JAG2: variants seen among roughly 807,000 people sequenced by gnomAD.
JAG2 encodes the protein protein jagged-2.
Under a neutral mutation model 141.7 loss-of-function variants are expected in JAG2, and 46 were observed. The observed-to-expected ratio is 0.32, with a 90% CI of 0.26 to 0.42. The LOEUF is 0.42. JAG2 is among the 10% of genes least tolerant of loss of function. The pLI, the probability that JAG2 is intolerant of heterozygous loss-of-function variation, is 1.00. For synonymous variants in JAG2, 862 were observed against 763.5 expected (o/e 1.13, Z -2.13); for missense variants, 1,500 against 1,817.5 (o/e 0.83, Z 3.18).
At position 105,145,997 on chromosome 14, in the gene JAG2, T is replaced by C. The variant is rs759878120; in HGVS notation, c.2710-24A>G. The C allele has an allele frequency of 1.1e-5, 17 of 1,588,378 alleles. No homozygotes were observed. In the Admixed American group the frequency reaches 3.0e-4, roughly 28 times the overall value. ...ACCTGGGCAGGCACGCACAGGAGGG[T>C]CAGGCGCAGGCGCACAGGAGGGTCA... is the stretch of plus-strand genomic sequence containing the variant. On this transcript the variant is annotated intron_variant, in intron 22 of 25. Coordinates refer to ENST00000331782, the MANE Select transcript of JAG2 (RefSeq NM_002226.5).
chr14:105,166,413 G>A (rs777136634), intron 2 of JAG2, among the ~76,000 whole-genome samples: 4 of 152,270 alleles, frequency 2.6e-5, no homozygotes, highest in Non-Finnish European at 4.4e-5. Flanking sequence ...CTGCACCGCC[G>A]TGGGGGCGAG....
At position 105,142,814 on chromosome 14, in the gene JAG2, T is replaced by G; in HGVS notation, c.3598A>C (p.Lys1200Gln). The change falls in exon 26 of 26, where the codon AAA becomes CAA. Residue 1200 changes from lysine to glutamine, a missense_variant. Around this residue, in one of 3 missense-constraint regions of JAG2, gnomAD observed 425 missense variants for 441.0 expected, o/e 0.96. Transcript: ENST00000331782. The part of the protein sequence containing the change: ...SLEAEKFLSH[K>Q]FTKDPGRSPG... The stretch of plus-strand genomic sequence containing the variant: ...GAGCGGCCAGGATCTTTGGTGAATT[T>G]GTGTGAGAGGAACTTCTCCGCCTCC... 1 of 1,610,942 alleles carries G rather than the reference T, an allele frequency of 6.2e-7. No individual in the cohort carries two copies. Among genetic ancestry groups the G allele is most frequent in the Non-Finnish European group, 8.5e-7 (1 of 1,179,024 alleles).
intron 12 of JAG2, 115 bp downstream of exon 12, chr14:105,150,489 G>T: frequency 8.9e-7 from 1 of 1,124,194 alleles, no homozygotes; most frequent in Non-Finnish European, 1.2e-6. Flanking sequence ...GGACGCCTTG[G>T]GGACAACTTC....
chr14:105,151,406 G>A lies in JAG2; in HGVS notation c.1154-10C>T, dbSNP rs587755999. On this transcript the variant is annotated splice_polypyrimidine_tract_variant and intron_variant, in intron 8 of 25. Coordinates refer to ENST00000331782, the MANE Select transcript of JAG2 (RefSeq NM_002226.5). ...GCACACTCATCGATGTCTGCAGAGGGTGGAGAAAGGTGGGGCCCTGGCAGT... is the reference window on the plus strand; with the variant it reads ...GCACACTCATCGATGTCTGCAGAGGATGGAGAAAGGTGGGGCCCTGGCAGT... 5.6e-6 allele frequency: 9 copies of A among 1,605,864 alleles called. No individual in the cohort carries two copies. The South Asian group carries it at 7.7e-5, about 14-fold the overall frequency.
Position 105,154,915 on chromosome 14 carries a change from C to T in JAG2, c.788+647G>A, listed in dbSNP as rs964388795. 6.6e-6 allele frequency among the ~76,000 whole-genome samples: 1 copy of T among 151,750 alleles called. No individual in the cohort carries two copies. The highest frequency in any genetic ancestry group is 2.0e-4 in the East Asian group (1 of 5,112). ...CTGCTTGATCAAATCCATCCACAAA[C>T]CCCTGGGCTCCACCCCAGGATGTCT... On this transcript the variant is annotated intron_variant, in intron 5 of 25. Transcript: ENST00000331782. The surrounding 1 kb of genome is among the most constrained non-coding windows in gnomAD (Gnocchi z 4.4).
At chr14:105,145,105 C>G (rs374897570) in intron 23 of JAG2, 44 bp from the exon 24 acceptor site, 8 of 1,605,218 alleles carry the variant, frequency 5.0e-6, no homozygotes, top group Non-Finnish European at 6.8e-6. Flanking sequence ...GGGCCGTGAA[C>G]CTGACACCTA....
chr14:105,166,031 C>T (rs1888898617), intron 2 of JAG2, among the ~76,000 whole-genome samples: 1 of 152,218 alleles, frequency 6.6e-6, no homozygotes, highest in Admixed American at 6.5e-5. Flanking sequence ...CCAGGGCTGC[C>T]CCCAAACACG....
chr14:105,148,872 C>G lies in JAG2; in HGVS notation c.1907-14G>C. On this transcript the variant is annotated splice_polypyrimidine_tract_variant and intron_variant, in intron 14 of 25. Transcript: ENST00000331782. The stretch of plus-strand genomic sequence containing the variant: ...AGTCGTCAATGTCTGCAGAGGCGAG[C>G]GGGGTGAGCCAGGGCCTCAGGCCAG... 1 of 1,586,900 alleles carries G rather than the reference C, an allele frequency of 6.3e-7. No homozygotes were observed. The highest frequency in any genetic ancestry group is 1.1e-5 in the South Asian group (1 of 87,474).
rs1027147705 is a variant in JAG2, at chr14:105,149,455, A to G, written c.1603-135T>C. 3 of 1,086,798 alleles carry G rather than the reference A, an allele frequency of 2.8e-6. No individual in the cohort carries two copies. The Middle Eastern group carries it at 8.5e-4, about 307-fold the overall frequency. 67.3% of individuals were successfully genotyped at this position (1,086,798 alleles called of 1,614,324 possible). On this transcript the variant is annotated intron_variant, in intron 12 of 25. Transcript: ENST00000331782. ...CGCCCTGGGCCTAACAGTGCCAGCCAGAGCCCAAGACCCCTGCCCACCTGA... is the reference window on the plus strand; with the variant it reads ...CGCCCTGGGCCTAACAGTGCCAGCCGGAGCCCAAGACCCCTGCCCACCTGA...
intron 7 of JAG2, 24 bp downstream of exon 7, chr14:105,151,914 T>A (rs995222494): frequency 5.0e-6 from 8 of 1,612,446 alleles, no homozygotes; most frequent in Non-Finnish European, 6.8e-6. Flanking sequence ...TGGCCAGAAT[T>A]TGGGTGGCCA....
intron 3 of JAG2, among the ~76,000 whole-genome samples, chr14:105,156,220 G>A (rs1490515873): frequency 6.6e-6 from 1 of 152,142 alleles, no homozygotes; most frequent in East Asian, 1.9e-4. Flanking sequence ...CCTAAACGCA[G>A]AGGGTCGGGG....
At position 105,149,006 on chromosome 14, in the gene JAG2, C is replaced by T. The variant is rs760867387; in HGVS notation, c.1837G>A (p.Val613Ile). Residue 613 changes from valine to isoleucine, a missense_variant, in exon 14 of 26, where the codon GTC becomes ATC. Val to Ile is a conservative substitution (Grantham distance 29). Around this residue, in one of 3 missense-constraint regions of JAG2, gnomAD observed 875 missense variants for 1,202.2 expected, o/e 0.73. Transcript: ENST00000331782. ...SGVCGPHGRC[V>I]SQPGGNFSCI... ...GAAAAGTTGCCCCCTGGCTGGCTGA[C>T]GCAGCGTCCATGGGGGCCACACACG... The T allele has an allele frequency of 2.4e-5, 39 of 1,606,418 alleles. No homozygotes were observed. The highest frequency in any genetic ancestry group is 1.1e-4 in the South Asian group (10 of 89,948).
chr14:105,142,399 C>T lies in JAG2; in HGVS notation c.*296G>A, dbSNP rs113919278. On this transcript the variant is annotated 3_prime_UTR_variant, in exon 26 of 26. Transcript: ENST00000331782. ...GCACAACCTCTGGTAACAAACGCTA[C>T]GATTTGGTGACGACGCAGACACCCT... 8.6e-5 allele frequency: 33 copies of T among 385,002 alleles called. 1 individual carries two copies. The Middle Eastern group carries it at 1.7e-3, about 20-fold the overall frequency. The allele number at this position is 385,002 out of a possible 1,614,324, so 23.8% of individuals were successfully genotyped here. A position where few individuals can be genotyped will look rare whatever the true frequency, so the allele number is the denominator to read the frequency against.
Position 105,152,001 on chromosome 14 carries a change from C to A in JAG2, c.976G>T (p.Ala326Ser), listed in dbSNP as rs1412738203. 2 of 1,613,352 alleles carry A rather than the reference C, an allele frequency of 1.2e-6. No individual in the cohort carries two copies. The highest frequency in any genetic ancestry group is 2.2e-5 in the South Asian group (2 of 91,080). ...GTGCAGCGGTACTGGTCAGGCTCGG[C>A]GTTGATGCACGTGCCTCCGTTGGTG... ...PCTNGGTCINAEPDQYRCTCP... is the reference protein window; with the variant it reads ...PCTNGGTCINSEPDQYRCTCP... The change falls in exon 7 of 26, where the codon GCC becomes TCC. Residue 326 changes from alanine to serine, a missense_variant. Ala to Ser is a moderately conservative substitution (Grantham distance 99). This residue lies in a region of JAG2 where 875 missense variants were observed against 1,202.2 expected (regional missense o/e 0.73). Coordinates refer to ENST00000331782, the MANE Select transcript of JAG2 (RefSeq NM_002226.5).
Position 105,148,918 on chromosome 14 carries a change from G to A in JAG2, c.1906+19C>T, listed in dbSNP as rs373732223. ...GCCAGCCCAGCCCCACCACCAGCCC[G>A]CCGTTCGTGGCCACTCACTCTCATG... On this transcript the variant is annotated intron_variant, in intron 14 of 25. Coordinates refer to ENST00000331782, the MANE Select transcript of JAG2 (RefSeq NM_002226.5). 74 of 1,599,010 alleles carry A rather than the reference G, an allele frequency of 4.6e-5. 1 individual carries two copies. The South Asian group carries it at 4.9e-4, about 11-fold the overall frequency.
Position 105,143,066 on chromosome 14 carries a change from T to A in JAG2, c.3346A>T (p.Ser1116Cys). The A allele has an allele frequency of 6.2e-7, 1 of 1,601,584 alleles. No homozygotes were observed. Among genetic ancestry groups the A allele is most frequent in the Non-Finnish European group, 8.5e-7 (1 of 1,179,488 alleles). The change falls in exon 26 of 26, where the codon AGC becomes TGC. Residue 1116 changes from serine to cysteine, a missense_variant. Physicochemically the swap from Ser to Cys is moderately radical, Grantham distance 112. This residue lies in a region of JAG2 where 425 missense variants were observed against 441.0 expected (regional missense o/e 0.96). Coordinates refer to ENST00000331782, the MANE Select transcript of JAG2 (RefSeq NM_002226.5). ...GCGCTCTCCTCCCGCGGCAGCCGGC[T>A]CCTCTCCCGCTCTTTCCTGCGCTTG... ...TRKRRKERER[S>C]RLPREESANN...
intron 5 of JAG2, 108 bp downstream of exon 5, chr14:105,155,454 C>G: frequency 7.7e-7 from 1 of 1,299,150 alleles, no homozygotes; most frequent in Non-Finnish European, 1.1e-6. Flanking sequence ...AGCTGTGTGC[C>G]CAACCTCCAG....
chr14:105,167,675 G>A lies in JAG2; in HGVS notation c.417+82C>T, dbSNP rs1354766792. The stretch of plus-strand genomic sequence containing the variant: ...GGCTCGCACGCAGACCCGGCCGCAG[G>A]TGTTGGGGGTCGCGAAGCGCGCGGG... On this transcript the variant is annotated intron_variant, in intron 2 of 25. Coordinates refer to ENST00000331782, the MANE Select transcript of JAG2 (RefSeq NM_002226.5). This position sits in a 1 kb window ranked among gnomAD's most constrained non-coding sequence, Gnocchi z 4.8. The A allele has an allele frequency of 1.5e-6, 2 of 1,294,136 alleles. No homozygotes were observed. The highest frequency in any genetic ancestry group is 2.0e-6 in the Non-Finnish European group (2 of 1,022,838). 80.2% of individuals were successfully genotyped at this position (1,294,136 alleles called of 1,614,324 possible).
intron 18 of JAG2, 23 bp from the exon 19 acceptor site, chr14:105,147,550 AG>A: frequency 6.2e-7 from 1 of 1,609,120 alleles, no homozygotes; most frequent in Non-Finnish European, 8.5e-7. Flanking sequence ...AAGAGAACGC[AG>A]GGGATCAGTA....
Sources: allele counts gnomAD v4.1 joint callset (sites outside exome capture counted in the v4.1 genomes callset), GRCh38; gene constraint gnomAD v4.1.1; regional missense constraint gnomAD v4.1.1; non-coding constraint Gnocchi (gnomAD v3.1); transcripts MANE v1.5; gene names NCBI Gene and HGNC (gene_info 2026-07-23, HGNC 2026-07-21).